Variants in RASGRP1 observed in about 807,000 individuals in gnomAD.
RASGRP1 encodes the protein RAS guanyl releasing protein 1, also known as RAS guanyl-releasing protein 1.
A neutral mutation model predicts 95.1 loss-of-function variants in RASGRP1; 37 were observed. The observed-to-expected ratio is 0.39, with a 90% confidence interval of 0.30 to 0.51. The LOEUF is 0.51. Among genes scored for constraint, RASGRP1 ranks in the 20% least tolerant of loss-of-function variants. The probability of loss-of-function intolerance (pLI) is 0.80; values close to 1 mark genes in which losing one functional copy is unlikely to be tolerated. For missense variants in RASGRP1, 711 were observed against 965.4 expected (o/e 0.74, Z 3.49); for synonymous variants, 325 against 353.4 (o/e 0.92, Z 0.90).
chr15:38,494,804 C>T, intron 15 of RASGRP1, 37 bp from the exon 16 acceptor site: 1 of 1,369,152 alleles, frequency 7.3e-7, no homozygotes. Flanking sequence ...TACTCTAGCT[C>T]AGGAAAGCAG....
At chr15:38,528,965 T>C (rs1164932407) in intron 2 of RASGRP1, among the ~76,000 whole-genome samples, 1 of 152,194 alleles carries the variant, frequency 6.6e-6, no homozygotes, top group Non-Finnish European at 1.5e-5. Flanking sequence ...TCTCCAGAAA[T>C]GGCACCACCA....
chr15:38,496,040 TGA>T (rs796094748), intron 15 of RASGRP1, among the ~76,000 whole-genome samples: 42 of 152,294 alleles, frequency 2.8e-4, no homozygotes, highest in African/African-American at 9.9e-4. Context: ...GGAAGAGTCC[TGA>T]GAGATGACAG....
intron 15 of RASGRP1, 147 bp downstream of exon 15, chr15:38,498,647 C>G: frequency 1.0e-6 from 1 of 959,964 alleles, no homozygotes; most frequent in Admixed American, 2.9e-5. Flanking sequence ...GAGCTAAAAT[C>G]CAAAACTGTG....
intron 2 of RASGRP1, among the ~76,000 whole-genome samples, chr15:38,541,883 G>C (rs1892877921): frequency 6.6e-6 from 1 of 152,150 alleles, no homozygotes; most frequent in African/African-American, 2.4e-5. Flanking sequence ...CAGAGGAAGG[G>C]GAAAGTCAGA....
At chr15:38,523,686 C>T (rs1329504909) in intron 3 of RASGRP1, among the ~76,000 whole-genome samples, 1 of 152,058 alleles carries the variant, frequency 6.6e-6, no homozygotes, top group East Asian at 1.9e-4. Flanking sequence ...ATGGTAAGTG[C>T]CCCCCTATAC....
rs77875244 is a variant in RASGRP1, at chr15:38,512,009, G to A, written c.850-289C>T. ...ACCTCAAGTATTTGTTTAACACAATGGTTTCTGGACCTAACCCAGACATTC... is the reference window on the plus strand; with the variant it reads ...ACCTCAAGTATTTGTTTAACACAATAGTTTCTGGACCTAACCCAGACATTC... On this transcript the variant is annotated intron_variant, in intron 7 of 16. Coordinates refer to ENST00000310803, the MANE Select transcript of RASGRP1 (RefSeq NM_005739.4). Among the ~76,000 whole-genome samples the A allele has an allele frequency of 1.4e-3, 212 of 152,274 alleles. 1 individual carries two copies. The highest frequency in any genetic ancestry group is 4.8e-3 in the African/African-American group (201 of 41,552).
chr15:38,553,102 A>G (rs74009830), intron 2 of RASGRP1, among the ~76,000 whole-genome samples: 5,491 of 152,254 alleles, frequency 0.036, 343 homozygotes, highest in African/African-American at 0.12. Flanking sequence ...CAGAGGTGGC[A>G]TGCCCAGGAA....
chr15:38,510,509 C>T (rs1891463149), intron 8 of RASGRP1, among the ~76,000 whole-genome samples: 1 of 152,228 alleles, frequency 6.6e-6, no homozygotes, highest in African/African-American at 2.4e-5. Context: ...GCTTAGGTAT[C>T]TCTCCCTAAA....
intron 2 of RASGRP1, among the ~76,000 whole-genome samples, chr15:38,557,601 A>ATATGTG (rs1555405014): frequency 1.4e-5 from 2 of 145,292 alleles, no homozygotes; most frequent in Non-Finnish European, 1.5e-5. Flanking sequence ...TTGTATATAT[A>ATATGTG]TGTGTGTGTG....
chr15:38,526,511 T>C (rs1892225913), intron 2 of RASGRP1, 107 bp from the exon 3 acceptor site: 2 of 757,100 alleles, frequency 2.6e-6, no homozygotes, highest in Admixed American at 2.4e-5. Flanking sequence ...TCAGGCACAG[T>C]GATTTTCTTC....
intron 2 of RASGRP1, among the ~76,000 whole-genome samples, chr15:38,546,026 T>C (rs546633495): frequency 4.6e-5 from 7 of 152,326 alleles, no homozygotes; most frequent in African/African-American, 1.4e-4. Context: ...GGTAATTTTT[T>C]TGGCATAGCC....
At chr15:38,498,094 C>T (rs1331089211) in intron 15 of RASGRP1, among the ~76,000 whole-genome samples, 1 of 152,178 alleles carries the variant, frequency 6.6e-6, no homozygotes, top group Non-Finnish European at 1.5e-5. Context: ...TAGTAGAACT[C>T]TGTCTGTGGC....
At chr15:38,512,984 A>AAC (rs772198626) in intron 6 of RASGRP1, 28 bp from the exon 7 acceptor site, 1 of 1,476,916 alleles carries the variant, frequency 6.8e-7, no homozygotes, top group African/African-American at 1.4e-5. Context: ...ACAACAACAA[A>AAC]AAAAACCTAT....
intron 1 of RASGRP1, among the ~76,000 whole-genome samples, chr15:38,561,033 T>C (rs142262186): frequency 6.6e-6 from 1 of 152,378 alleles, no homozygotes; most frequent in African/African-American, 2.4e-5. Flanking sequence ...TGAGTGTTGC[T>C]GGTAACTCTC....
intron 13 of RASGRP1, among the ~76,000 whole-genome samples, chr15:38,500,506 C>T (rs564237182): frequency 6.6e-6 from 1 of 152,180 alleles, no homozygotes; most frequent in South Asian, 2.1e-4. Context: ...CCACACCTGG[C>T]TAAATTTTTT....
At chr15:38,562,453 G>A (rs545240589) in intron 1 of RASGRP1, among the ~76,000 whole-genome samples, 64 of 152,318 alleles carry the variant, frequency 4.2e-4, no homozygotes, top group African/African-American at 1.4e-3. Flanking sequence ...CCAGGTGGGC[G>A]CCCTTCCCTT....
intron 12 of RASGRP1, 77 bp from the exon 13 acceptor site, chr15:38,501,364 T>C: frequency 6.6e-7 from 1 of 1,514,392 alleles, no homozygotes; most frequent in Non-Finnish European, 9.2e-7. Flanking sequence ...CTTCTAGCCT[T>C]AGAAACTCAC....
At chr15:38,501,857 GT>G (rs199551123) in intron 12 of RASGRP1, among the ~76,000 whole-genome samples, 107 of 140,848 alleles carry the variant, frequency 7.6e-4, no homozygotes, top group Non-Finnish European at 7.8e-4. Flanking sequence ...TTCAGTTTTT[GT>G]TTTTTTTTTT....
chr15:38,513,286 A>G (rs1263362030), intron 6 of RASGRP1, among the ~76,000 whole-genome samples: 1 of 152,236 alleles, frequency 6.6e-6, no homozygotes, highest in Admixed American at 6.5e-5. Context: ...ACAGTACAGA[A>G]TAAAGATCAG....
Sources: allele counts gnomAD v4.1 joint callset (sites outside exome capture counted in the v4.1 genomes callset), GRCh38; gene constraint gnomAD v4.1.1; transcripts MANE v1.5; gene names NCBI Gene and HGNC (gene_info 2026-07-23, HGNC 2026-07-21).